CAMTA1: variants seen among roughly 807,000 people sequenced by gnomAD.
CAMTA1 encodes the protein calmodulin binding transcription activator 1, also known as calmodulin-binding transcription activator 1.
A neutral mutation model predicts 170.9 loss-of-function variants in CAMTA1; 27 were observed. The observed-to-expected ratio is 0.16, with a 90% CI of 0.12 to 0.22. The LOEUF is 0.22. Among genes scored for constraint, CAMTA1 ranks in the 10% least tolerant of loss-of-function variants. The probability of loss-of-function intolerance (pLI) is 1.00; values close to 1 mark genes in which losing one functional copy is unlikely to be tolerated. For missense variants in CAMTA1, 1,619 were observed against 2,217.2 expected, an observed-to-expected ratio of 0.73 and a Z score of 5.42; for synonymous variants, 833 against 891.5, an observed-to-expected ratio of 0.93 and a Z score of 1.17.
At chr1:7,012,455 G>A (rs374411095) in intron 3 of CAMTA1, among the ~76,000 whole-genome samples, 16 of 152,102 alleles carry the variant, frequency 1.1e-4, no homozygotes, top group Middle Eastern at 6.8e-3. Context: ...GGATCTTCCC[G>A]TCAGCATACA....
At chr1:6,803,098 A>G (rs1419969277) in intron 1 of CAMTA1, among the ~76,000 whole-genome samples, 1 of 152,148 alleles carries the variant, frequency 6.6e-6, no homozygotes, top group African/African-American at 2.4e-5. Flanking sequence ...TTGGAATGCT[A>G]TGGTCTGTGC....
intron 4 of CAMTA1, among the ~76,000 whole-genome samples, chr1:7,182,687 C>T (rs1652452993): frequency 6.6e-6 from 1 of 152,016 alleles, no homozygotes; most frequent in East Asian, 1.9e-4. Context: ...GTATTTGCAG[C>T]ATATATCAGA....
At chr1:7,226,127 A>C (rs2149165523) in intron 4 of CAMTA1, among the ~76,000 whole-genome samples, 1 of 152,212 alleles carries the variant, frequency 6.6e-6, no homozygotes, top group African/African-American at 2.4e-5. Context: ...CTCAATGAGA[A>C]CTTTCCTTGA....
intron 3 of CAMTA1, among the ~76,000 whole-genome samples, chr1:7,016,420 C>T (rs975564386): frequency 1.4e-4 from 22 of 152,092 alleles, no homozygotes; most frequent in East Asian, 5.8e-4. Flanking sequence ...GCTCAGCTGT[C>T]GAATGGGTGA....
At chr1:7,722,904 TA>T (rs2096658900) in intron 11 of CAMTA1, among the ~76,000 whole-genome samples, 1 of 151,870 alleles carries the variant, frequency 6.6e-6, no homozygotes, top group African/African-American at 2.4e-5. Context: ...CTGGGCAACA[TA>T]GCAAGACCGC....
At chr1:7,526,395 A>T (rs1409179417) in intron 6 of CAMTA1, among the ~76,000 whole-genome samples, 1 of 145,450 alleles carries the variant, frequency 6.9e-6, no homozygotes, top group African/African-American at 2.6e-5. Flanking sequence ...CCTGCCCCCC[A>T]CCCCACAGTC....
At chr1:7,704,744 C>T (rs1393500645) in intron 11 of CAMTA1, among the ~76,000 whole-genome samples, 1 of 147,854 alleles carries the variant, frequency 6.8e-6, no homozygotes, top group East Asian at 2.0e-4. Context: ...GTACCCGGAG[C>T]CCCGCGAGTC....
At chr1:7,699,064 T>C (rs1352143965) in intron 11 of CAMTA1, among the ~76,000 whole-genome samples, 2 of 152,272 alleles carry the variant, frequency 1.3e-5, no homozygotes, top group Non-Finnish European at 2.9e-5. Flanking sequence ...TTCTATTCTA[T>C]ACTTCTTCAT....
At chr1:7,360,592 G>A (rs1485291343) in intron 5 of CAMTA1, among the ~76,000 whole-genome samples, 1 of 152,220 alleles carries the variant, frequency 6.6e-6, no homozygotes, top group African/African-American at 2.4e-5. Flanking sequence ...ACAAGCCTCG[G>A]TGTGCCCACA....
chr1:7,756,833 G>A (rs955645438), intron 22 of CAMTA1, among the ~76,000 whole-genome samples: 6 of 152,062 alleles, frequency 3.9e-5, no homozygotes, highest in African/African-American at 1.5e-4. Flanking sequence ...GAGCAACAGA[G>A]CGAGACCCTG....
chr1:7,760,604 A>G (rs1356294011), intron 22 of CAMTA1, among the ~76,000 whole-genome samples: 1 of 152,202 alleles, frequency 6.6e-6, no homozygotes, highest in Non-Finnish European at 1.5e-5. Flanking sequence ...CTCTTTTAGG[A>G]AATGAATATT....
rs768457486 is a variant in CAMTA1 at position 7,663,466 on chromosome 1, G to T, written c.919G>T (p.Asp307Tyr). ...GAGCCACTCGGAGGTGCAGCACAAT[G>T]ACGTGTCGGAGGGCAAGCACGAGCA... is the stretch of plus-strand genomic sequence containing the variant. The part of the protein sequence containing the change: ...YGSHSEVQHN[D>Y]VSEGKHEHSH... The change falls in exon 9 of 23, where the codon GAC becomes TAC. Residue 307 changes from aspartate (D) to tyrosine (Y), a missense_variant. Asp to Tyr is a radical substitution (Grantham distance 160). Coordinates refer to ENST00000303635, the MANE Select transcript of CAMTA1 (RefSeq NM_015215.4). 3.8e-6 allele frequency: 6 copies of T among 1,594,506 alleles called. No homozygotes were observed. The highest frequency in any genetic ancestry group is 2.2e-5 in the East Asian group (1 of 44,452).
chr1:7,523,102 G>C (rs569404769), intron 6 of CAMTA1, among the ~76,000 whole-genome samples: 1 of 152,296 alleles, frequency 6.6e-6, no homozygotes, highest in East Asian at 1.9e-4. Flanking sequence ...CCTGACCTCA[G>C]GTAATCTGCC....
rs190097738 is a variant in CAMTA1, at chr1:7,064,041, A to T, written c.235-27263A>T. 1.3e-5 allele frequency among the ~76,000 whole-genome samples: 2 copies of T among 151,996 alleles called. No individual in the cohort carries two copies. The highest frequency in any genetic ancestry group is 1.3e-4 in the Admixed American group (2 of 15,260). ...CTGGCTGCCAGGTGGCTGCCTTCTC[A>T]TATGGTGGGAGCCTTTGCCTTCACC... On this transcript the variant is annotated intron_variant, in intron 3 of 22. Coordinates refer to ENST00000303635, the MANE Select transcript of CAMTA1 (RefSeq NM_015215.4). The surrounding 1 kb of genome is among the most constrained non-coding windows in gnomAD (Gnocchi z 5.4).
chr1:7,566,885 T>C (rs1040711929), intron 6 of CAMTA1, among the ~76,000 whole-genome samples: 3 of 152,238 alleles, frequency 2.0e-5, no homozygotes, highest in Non-Finnish European at 4.4e-5. Flanking sequence ...ACCCCCTCTG[T>C]GCCCACACGG....
chr1:7,277,973 T>C (rs1557427021), intron 5 of CAMTA1, among the ~76,000 whole-genome samples: 1 of 152,202 alleles, frequency 6.6e-6, no homozygotes, highest in Admixed American at 6.5e-5. Flanking sequence ...GATCCTTGTA[T>C]CTTTATTTAT....
At chr1:7,364,759 C>T (rs943298092) in intron 5 of CAMTA1, among the ~76,000 whole-genome samples, 3 of 152,204 alleles carry the variant, frequency 2.0e-5, no homozygotes, top group Admixed American at 6.5e-5. Flanking sequence ...TGCAGAGATG[C>T]GTGTCTGTGG....
At chr1:7,689,595 AG>A (rs1432212107) in intron 11 of CAMTA1, among the ~76,000 whole-genome samples, 2 of 152,152 alleles carry the variant, frequency 1.3e-5, no homozygotes, top group East Asian at 3.9e-4. Flanking sequence ...AAGAAAAATC[AG>A]TGGCAGAGGG....
rs909537742 is a variant in CAMTA1, at chr1:7,665,830, C to CT, written c.2652+640dup. 2.0e-5 allele frequency among the ~76,000 whole-genome samples: 3 copies of CT among 151,374 alleles called. No individual in the cohort carries two copies. Among genetic ancestry groups the CT allele is most frequent in the African/African-American group, 4.8e-5 (2 of 41,256 alleles). On this transcript the variant is annotated intron_variant, in intron 9 of 22. Coordinates refer to ENST00000303635, the MANE Select transcript of CAMTA1 (RefSeq NM_015215.4). This position sits in a 1 kb window ranked among gnomAD's most constrained non-coding sequence, Gnocchi z 4.3. Reference sequence around the variant, plus strand: ...TTGAGTCCATCTATGTTTTGCTTTGCTTTTTTTTTGAAAAGGGGTCCCAGG... The same window carrying CT: ...TTGAGTCCATCTATGTTTTGCTTTGCTTTTTTTTTTGAAAAGGGGTCCCAGG...
Sources: allele counts gnomAD v4.1 joint callset (sites outside exome capture counted in the v4.1 genomes callset), GRCh38; gene constraint gnomAD v4.1.1; non-coding constraint Gnocchi (gnomAD v3.1); transcripts MANE v1.5; gene names NCBI Gene and HGNC (gene_info 2026-07-23, HGNC 2026-07-21).